MGA: variants seen among roughly 807,000 people sequenced by gnomAD.
The protein encoded by MGA is MAX gene-associated protein.
In MGA, 40 loss-of-function variants were observed where a neutral mutation model predicts 261.1. The observed-to-expected ratio is 0.15, with a 90% confidence interval of 0.12 to 0.20. The LOEUF (loss-of-function observed/expected upper bound fraction) is 0.20, where lower values mean the gene tolerates loss of function less well. Among genes scored for constraint, MGA ranks in the 10% least tolerant of loss-of-function variants. MGA has a pLI of 1.00. For missense variants in MGA, 3,397 were observed against 3,630.5 expected, an observed-to-expected ratio of 0.94 and a Z score of 1.65; for synonymous variants, 1,302 against 1,290.6, an observed-to-expected ratio of 1.01 and a Z score of -0.19.
In MGA at chr15:41,668,969, T is replaced by C. The variant is rs369664284; in HGVS notation, c.75T>C (p.Phe25=). 22 of 1,612,624 alleles carry C rather than the reference T, an allele frequency of 1.4e-5. No individual in the cohort carries two copies. The African/African-American group carries it at 2.8e-4, about 21-fold the overall frequency. Residue 25 remains phenylalanine, a synonymous_variant, in exon 2 of 24, where the codon TTT becomes TTC. Transcript: ENST00000219905. ...TGGCAGGAGCAGCACCTACCTTCTT[T>C]GTCATCTTAAAGCAGCCAGGAAATG...
At chr15:41,726,232 GT>G (rs928749800) in intron 9 of MGA, among the ~76,000 whole-genome samples, 5 of 152,008 alleles carry the variant, frequency 3.3e-5, no homozygotes, top group Non-Finnish European at 5.9e-5. Context: ...CCTCTTACTG[GT>G]TGGACATCCC....
upstream of MGA, among the ~76,000 whole-genome samples, chr15:41,657,378 G>T (rs1439099335): frequency 8.0e-6 from 1 of 124,778 alleles, no homozygotes; most frequent in Non-Finnish European, 1.6e-5. Context: ...TTTTGAGATG[G>T]AGTCTTGCTC....
intron 1 of MGA, among the ~76,000 whole-genome samples, 168 bp downstream of exon 1, chr15:41,660,693 C>T (rs1035723319): frequency 7.9e-5 from 12 of 152,206 alleles, no homozygotes; most frequent in African/African-American, 2.9e-4. Context: ...TTGGCGCGCC[C>T]CTGTGGTCCC....
intron 9 of MGA, among the ~76,000 whole-genome samples, chr15:41,724,403 AAGG>A (rs1453336518): frequency 6.6e-6 from 1 of 152,240 alleles, no homozygotes; most frequent in Non-Finnish European, 1.5e-5. Flanking sequence ...ACCTGAAAGC[AAGG>A]ATTTTTGTCA....
At chr15:41,763,784 A>G (rs1403706948) in intron 22 of MGA, among the ~76,000 whole-genome samples, 3 of 152,132 alleles carry the variant, frequency 2.0e-5, no homozygotes, top group African/African-American at 7.2e-5. Flanking sequence ...CCCAAAGTAA[A>G]TTAGTCTTAA....
In MGA at chr15:41,750,877, C is replaced by T. The variant is rs992464767; in HGVS notation, c.7008+262C>T. On this transcript the variant is annotated intron_variant, in intron 17 of 23. Transcript: ENST00000219905. ...GGGATAGGTGCTTGAGAGTCCCTAC[C>T]GAGTTAGATTTTTAAAATCCCGAAA... 4.2e-5 allele frequency: 12 copies of T among 287,046 alleles called. No individual in the cohort carries two copies. In the Admixed American group the frequency reaches 4.2e-4, roughly 10 times the overall value. The allele number at this position is 287,046 out of a possible 1,614,324, so 17.8% of individuals were successfully genotyped here.
intron 1 of MGA, among the ~76,000 whole-genome samples, chr15:41,633,533 G>A (rs1038368286): frequency 6.6e-6 from 1 of 152,026 alleles, no homozygotes; most frequent in African/African-American, 2.4e-5. Flanking sequence ...AAGCAGGGAA[G>A]AGAGATGGGG....
chr15:41,750,047 T>C lies in MGA; in HGVS notation c.6440T>C (p.Val2147Ala). ...AAATTTGAATTGTCAGGAAGCAAAG[T>C]TATGGAGCAGCAATCTAATCTACAG... The change falls in exon 17 of 24, where the codon GTT becomes GCT. Residue 2147 changes from valine to alanine, a missense_variant. This residue lies in a region of MGA where 1,410 missense variants were observed against 1,386.4 expected (regional missense o/e 1.02). Transcript: ENST00000219905. 1 of 1,613,270 alleles carries C rather than the reference T, an allele frequency of 6.2e-7. No individual in the cohort carries two copies. The highest frequency in any genetic ancestry group is 1.1e-5 in the South Asian group (1 of 90,998).
intron 1 of MGA, among the ~76,000 whole-genome samples, chr15:41,655,203 G>C (rs1218932407): frequency 7.0e-6 from 1 of 142,312 alleles, no homozygotes; most frequent in African/African-American, 2.6e-5. Flanking sequence ...TTTTGAGACA[G>C]AGTCTTGCTC....
In MGA at chr15:41,750,146, G is replaced by A. The variant is rs375801764; in HGVS notation, c.6539G>A (p.Gly2180Asp). ...GAAAGATGGAGAAAACATCTGAAGGGCCCCTTAACCAGGAAATGTGTTGGA... is the reference window on the plus strand; with the variant it reads ...GAAAGATGGAGAAAACATCTGAAGGACCCCTTAACCAGGAAATGTGTTGGA... Residue 2180 changes from glycine (G) to aspartate (D), a missense_variant, in exon 17 of 24, where the codon GGC becomes GAC. By Grantham distance (94) the Gly-to-Asp change is moderately conservative. Around this residue, in one of 9 missense-constraint regions of MGA, gnomAD observed 1,410 missense variants for 1,386.4 expected, o/e 1.02. Transcript: ENST00000219905. 3.1e-6 allele frequency: 5 copies of A among 1,613,804 alleles called. No individual in the cohort carries two copies. The East Asian group carries it at 8.9e-5, about 29-fold the overall frequency.
intron 18 of MGA, among the ~76,000 whole-genome samples, chr15:41,755,292 C>A (rs1325521421): frequency 1.3e-5 from 2 of 152,182 alleles, no homozygotes; most frequent in East Asian, 3.9e-4. Flanking sequence ...AAGAATAATT[C>A]TTCGTTCCTA....
intron 1 of MGA, among the ~76,000 whole-genome samples, chr15:41,626,917 G>A (rs570729820): frequency 1.6e-3 from 247 of 151,792 alleles, no homozygotes; most frequent in Non-Finnish European, 2.4e-3. Flanking sequence ...AGGCTGGAGC[G>A]CAAATGGCAC....
chr15:41,740,314 C>A, intron 14 of MGA, 111 bp downstream of exon 14: 5 of 1,201,860 alleles, frequency 4.2e-6, no homozygotes, highest in Non-Finnish European at 5.8e-6. Flanking sequence ...TGGCATTATT[C>A]TTATTCTTGT....
At position 41,714,441 on chromosome 15, in the gene MGA, CA is replaced by C. The variant is rs1567021541; in HGVS notation, c.3430+946del. On this transcript the variant is annotated intron_variant, in intron 9 of 23. Coordinates refer to ENST00000219905, the MANE Select transcript of MGA (RefSeq NM_001164273.2). Reference sequence around the variant, plus strand: ...AGTGGAATTGCTGTGACAGTGTGTACATGTTAAACATTTGTAGATGTCACTA... The same window carrying C: ...AGTGGAATTGCTGTGACAGTGTGTACTGTTAAACATTTGTAGATGTCACTA... Among the ~76,000 whole-genome samples the C allele has an allele frequency of 5.9e-5, 9 of 152,162 alleles. 1 individual carries two copies.
In MGA at chr15:41,768,953, G is replaced by A. The variant is rs942739909; in HGVS notation, c.*1673G>A. 5 of 152,488 alleles carry A rather than the reference G, an allele frequency of 3.3e-5. No homozygotes were observed. The allele number at this position is 152,488 out of a possible 1,614,324, so 9.4% of individuals were successfully genotyped here. A position where few individuals can be genotyped will look rare whatever the true frequency, so the allele number is the denominator to read the frequency against. ...TTGTGCTGCTTGCCTTTCTAGATCT[G>A]CTCATCAGCACTTAACCTTCCCTCC... On this transcript the variant is annotated 3_prime_UTR_variant, in exon 24 of 24. Transcript: ENST00000219905.
intron 2 of MGA, among the ~76,000 whole-genome samples, chr15:41,677,803 A>G (rs2058465068): frequency 6.6e-6 from 1 of 152,158 alleles, no homozygotes; most frequent in Non-Finnish European, 1.5e-5. Context: ...ATTGAGATGC[A>G]GGAGTTCTTT....
intron 1 of MGA, among the ~76,000 whole-genome samples, chr15:41,640,890 G>A (rs1468119832): frequency 3.3e-5 from 5 of 152,154 alleles, no homozygotes; most frequent in African/African-American, 1.2e-4. Flanking sequence ...GTATAATTCA[G>A]TGGTTTTTAG....
rs1425878859 is a variant in MGA, at chr15:41,713,387, T to G, written c.3321T>G (p.Asp1107Glu). ...TTCAGAGGAAGGCTGCTCATCGAGA[T>G]CCAGTATTTTATGATACTCTGGGAG... is the stretch of plus-strand genomic sequence containing the variant. Residue 1107 changes from aspartate (D) to glutamate (E), a missense_variant, in exon 9 of 24, where the codon GAT (aspartate) becomes GAG (glutamate). By Grantham distance (45) the Asp-to-Glu change is conservative. Transcript: ENST00000219905. The G allele has an allele frequency of 6.2e-7, 1 of 1,608,012 alleles. No homozygotes were observed. Among genetic ancestry groups the G allele is most frequent in the South Asian group, 1.1e-5 (1 of 90,484 alleles).
intron 2 of MGA, among the ~76,000 whole-genome samples, chr15:41,677,792 T>C (rs1448646552): frequency 6.6e-6 from 1 of 152,228 alleles, no homozygotes; most frequent in Non-Finnish European, 1.5e-5. Flanking sequence ...GTTATTTTGT[T>C]ATTGAGATGC....
Sources: gnomAD v4.1 joint callset for allele counts (sites outside exome capture counted in the v4.1 genomes callset) on GRCh38, gnomAD v4.1.1 for gene constraint, gnomAD v4.1.1 regional missense constraint, MANE v1.5 for transcripts, NCBI Gene and HGNC (gene_info 2026-07-23, HGNC 2026-07-21) for gene names.